The following TMEM132D variants were observed in gnomAD, a reference collection of about 807,000 sequenced individuals.
The protein encoded by TMEM132D is transmembrane protein 132D, also known as mature OL transmembrane protein.
In TMEM132D, 21 loss-of-function variants were observed where a neutral mutation model predicts 62.3. That is an observed-to-expected ratio of 0.34 (90% CI 0.24 to 0.49). TMEM132D has a LOEUF of 0.49. TMEM132D is among the 20% of genes least tolerant of loss of function. The probability of loss-of-function intolerance (pLI) is 0.99; values close to 1 mark genes in which losing one functional copy is unlikely to be tolerated. For synonymous variants in TMEM132D, 621 were observed against 575.6 expected, an observed-to-expected ratio of 1.08 and a Z score of -1.13; for missense variants, 1,346 against 1,402.8, an observed-to-expected ratio of 0.96 and a Z score of 0.65.
chr12:129,474,610 C>T (rs1874205206), intron 3 of TMEM132D, among the ~76,000 whole-genome samples: 1 of 152,230 alleles, frequency 6.6e-6, no homozygotes, highest in Non-Finnish European at 1.5e-5. Context: ...GAGCACTGAA[C>T]TGCCAGCCTT....
At chr12:129,510,796 G>A (rs2137073657) in intron 3 of TMEM132D, among the ~76,000 whole-genome samples, 1 of 152,238 alleles carries the variant, frequency 6.6e-6, no homozygotes, top group Non-Finnish European at 1.5e-5. Flanking sequence ...ACAATCTACT[G>A]AAGAGACTGT....
At chr12:129,370,547 T>A (rs1006998175) in intron 3 of TMEM132D, among the ~76,000 whole-genome samples, 1 of 152,198 alleles carries the variant, frequency 6.6e-6, no homozygotes, top group Non-Finnish European at 1.5e-5. Context: ...GTTGAAGGTA[T>A]AATCTTTCCC....
chr12:129,227,644 A>C (rs536687726), intron 4 of TMEM132D, among the ~76,000 whole-genome samples: 19 of 151,816 alleles, frequency 1.3e-4, no homozygotes, highest in African/African-American at 3.9e-4. Context: ...ACATGTGCAC[A>C]ATGTGCAGGT....
chr12:129,232,489 A>C lies in TMEM132D; in HGVS notation c.1300-22826T>G, dbSNP rs146898699. The stretch of plus-strand genomic sequence containing the variant: ...ATGCTAGCTCTGCCTTGCAGGTGAG[A>C]CTGCCTTCTGGTCCAAGGAGATTCT... On this transcript the variant is annotated intron_variant, in intron 4 of 8. Coordinates refer to ENST00000422113, the MANE Select transcript of TMEM132D (RefSeq NM_133448.3). Among the ~76,000 whole-genome samples, 131 of 152,316 alleles carry C rather than the reference A, an allele frequency of 8.6e-4. 2 individuals carry two copies. In the East Asian group the frequency reaches 0.024, roughly 28 times the overall value.
chr12:129,404,004 T>C (rs1201461973), intron 3 of TMEM132D, among the ~76,000 whole-genome samples: 2 of 151,734 alleles, frequency 1.3e-5, no homozygotes, highest in Admixed American at 6.6e-5. Context: ...AAATAAGAGA[T>C]GGATAGGTGA....
intron 2 of TMEM132D, among the ~76,000 whole-genome samples, chr12:129,590,530 A>G (rs1878159247): frequency 6.6e-6 from 1 of 152,224 alleles, no homozygotes; most frequent in Non-Finnish European, 1.5e-5. Flanking sequence ...CAACATGTCC[A>G]ATGAATAGGA....
Position 129,825,055 on chromosome 12 carries a change from C to T in TMEM132D, c.79+78206G>A, listed in dbSNP as rs1235593349. Among the ~76,000 whole-genome samples the T allele has an allele frequency of 1.1e-4, 17 of 151,458 alleles. No homozygotes were observed. The East Asian group carries it at 3.3e-3, about 29-fold the overall frequency. On this transcript the variant is annotated intron_variant, in intron 1 of 8. Coordinates refer to ENST00000422113, the MANE Select transcript of TMEM132D (RefSeq NM_133448.3). ...CTGAGATGGAGTCTCACTCTGTCACCCAGGCTGGAGTACAGTGGCATGATC... is the reference window on the plus strand; with the variant it reads ...CTGAGATGGAGTCTCACTCTGTCACTCAGGCTGGAGTACAGTGGCATGATC...
intron 1 of TMEM132D, among the ~76,000 whole-genome samples, chr12:129,813,013 C>T (rs1031447530): frequency 1.3e-5 from 2 of 151,970 alleles, no homozygotes; most frequent in East Asian, 3.9e-4. Context: ...CCGACTCCTG[C>T]GCCTTCCACT....
intron 2 of TMEM132D, among the ~76,000 whole-genome samples, chr12:129,616,829 C>A: frequency 6.6e-6 from 1 of 152,162 alleles, no homozygotes; most frequent in Non-Finnish European, 1.5e-5. Context: ...AATGGACTAA[C>A]ACAATTATGT....
At chr12:129,153,130 C>A (rs1010847804) in intron 5 of TMEM132D, among the ~76,000 whole-genome samples, 1 of 152,188 alleles carries the variant, frequency 6.6e-6, no homozygotes, top group Non-Finnish European at 1.5e-5. Context: ...TGGCTCACAT[C>A]CTAAATCCCA....
rs1001318137 is a variant in TMEM132D, at chr12:129,633,546, C to T, written c.968+66264G>A. ...TTTCCTCATGTGCATTTTAATACCC[C>T]TTGAAGTCAAGGGGACCATGATTCA... On this transcript the variant is annotated intron_variant, in intron 2 of 8. Transcript: ENST00000422113. Among the ~76,000 whole-genome samples, 6 of 152,270 alleles carry T rather than the reference C, an allele frequency of 3.9e-5. No homozygotes were observed. In the South Asian group the frequency reaches 1.2e-3, roughly 32 times the overall value.
intron 3 of TMEM132D, among the ~76,000 whole-genome samples, chr12:129,509,765 T>C (rs575458180): frequency 6.6e-6 from 1 of 152,266 alleles, no homozygotes; most frequent in African/African-American, 2.4e-5. Flanking sequence ...AACACAATAA[T>C]CTCTAGTTCC....
chr12:129,738,052 TATTG>T, intron 1 of TMEM132D, among the ~76,000 whole-genome samples: 1 of 152,376 alleles, frequency 6.6e-6, no homozygotes, highest in South Asian at 2.1e-4. Flanking sequence ...TAATGCACCA[TATTG>T]ATTGGCCATT....
intron 3 of TMEM132D, among the ~76,000 whole-genome samples, chr12:129,421,242 C>A (rs1302864689): frequency 6.6e-6 from 1 of 152,146 alleles, no homozygotes; most frequent in African/African-American, 2.4e-5. Flanking sequence ...GGATTACAGG[C>A]GTGAGCCACC....
At chr12:129,392,144 G>C (rs1455773276) in intron 3 of TMEM132D, among the ~76,000 whole-genome samples, 1 of 151,902 alleles carries the variant, frequency 6.6e-6, no homozygotes, top group Non-Finnish European at 1.5e-5. Context: ...CGCAACCTCT[G>C]CCTCCCGGGT....
At chr12:129,263,725 T>C (rs758585874) in intron 4 of TMEM132D, among the ~76,000 whole-genome samples, 5 of 152,060 alleles carry the variant, frequency 3.3e-5, no homozygotes, top group Non-Finnish European at 5.9e-5. Flanking sequence ...GCACTTGTGC[T>C]TCCAAAGGAT....
intron 5 of TMEM132D, among the ~76,000 whole-genome samples, chr12:129,123,365 C>T (rs1468249451): frequency 4.0e-5 from 6 of 151,664 alleles, no homozygotes; most frequent in Middle Eastern, 3.2e-3. Flanking sequence ...TCGGTAATTC[C>T]GTGTACATAA....
chr12:129,638,703 T>C (rs1234587663), intron 2 of TMEM132D, among the ~76,000 whole-genome samples: 2 of 151,842 alleles, frequency 1.3e-5, no homozygotes, highest in African/African-American at 4.8e-5. Flanking sequence ...GTATCATCAG[T>C]ATCTCTTGCT....
At chr12:129,584,168 A>G in intron 2 of TMEM132D, among the ~76,000 whole-genome samples, 1 of 150,196 alleles carries the variant, frequency 6.7e-6, no homozygotes, top group African/African-American at 2.4e-5. Context: ...GTACAAGGTG[A>G]AAAAAAAAAT....
Sources: allele counts gnomAD v4.1 joint callset (sites outside exome capture counted in the v4.1 genomes callset), GRCh38; gene constraint gnomAD v4.1.1; transcripts MANE v1.5; gene names NCBI Gene and HGNC (gene_info 2026-07-23, HGNC 2026-07-21).